Variants in RGS7 observed in about 807,000 individuals in gnomAD.
The protein encoded by RGS7 is regulator of G-protein signaling 7.
A neutral mutation model predicts 81.1 loss-of-function variants in RGS7; 27 were observed. The ratio of observed to expected loss-of-function variants is 0.33; its 90% CI spans 0.25 to 0.46. The LOEUF is 0.46. RGS7 is among the 20% of genes least tolerant of loss of function. RGS7 has a pLI of 1.00. For synonymous variants in RGS7, 208 were observed against 207.7 expected, an observed-to-expected ratio of 1.00 and a Z score of -0.01; for missense variants, 396 against 607.4, an observed-to-expected ratio of 0.65 and a Z score of 3.66.
intron 9 of RGS7, among the ~76,000 whole-genome samples, chr1:240,853,835 A>G (rs1270565313): frequency 7.9e-6 from 1 of 127,044 alleles, no homozygotes; most frequent in African/African-American, 3.0e-5. Flanking sequence ...CGGGAGGCGG[A>G]GCTTGCAGTG....
At chr1:240,831,172 G>GA (rs1693768634) in intron 9 of RGS7, among the ~76,000 whole-genome samples, 2 of 152,108 alleles carry the variant, frequency 1.3e-5, no homozygotes, top group African/African-American at 4.8e-5. Context: ...CTGGATCTGG[G>GA]ATGCTTGTCT....
chr1:240,801,304 A>T, intron 17 of RGS7, 151 bp downstream of exon 17: 1 of 668,868 alleles, frequency 1.5e-6, no homozygotes, highest in Non-Finnish European at 2.7e-6. Context: ...CAGAAAGATA[A>T]GCAGAAAACA....
intron 2 of RGS7, among the ~76,000 whole-genome samples, chr1:241,126,303 C>T (rs1485605223): frequency 1.3e-5 from 2 of 152,056 alleles, no homozygotes; most frequent in African/African-American, 2.4e-5. Flanking sequence ...GCATGCGCAA[C>T]CACACCCGGC....
intron 9 of RGS7, among the ~76,000 whole-genome samples, chr1:240,867,013 C>CA (rs1303749395): frequency 2.0e-5 from 3 of 151,924 alleles, no homozygotes; most frequent in Non-Finnish European, 4.4e-5. Flanking sequence ...TTGCTTAAAA[C>CA]AAACAAAAAA....
intron 6 of RGS7, among the ~76,000 whole-genome samples, chr1:240,891,790 A>G (rs1572629195): frequency 1.3e-5 from 2 of 152,352 alleles, no homozygotes; most frequent in Middle Eastern, 6.8e-3. Context: ...TGCAATTCAA[A>G]TTTAGTGTGT....
intron 2 of RGS7, among the ~76,000 whole-genome samples, chr1:241,272,930 T>C (rs1378845953): frequency 6.6e-6 from 1 of 152,180 alleles, no homozygotes; most frequent in African/African-American, 2.4e-5. Flanking sequence ...CTCTAAGATT[T>C]CCTTTACTTT....
intron 2 of RGS7, among the ~76,000 whole-genome samples, chr1:241,276,290 C>CA (rs919162360): frequency 5.9e-5 from 9 of 152,304 alleles, no homozygotes; most frequent in Non-Finnish European, 1.0e-4. Flanking sequence ...ACGATCAAAA[C>CA]AGTCTATCAA....
intron 3 of RGS7, among the ~76,000 whole-genome samples, chr1:241,018,522 T>A (rs1002894707): frequency 1.3e-5 from 2 of 152,124 alleles, no homozygotes; most frequent in Non-Finnish European, 2.9e-5. Context: ...TGTTTCTATT[T>A]TTTTGTCTTT....
intron 2 of RGS7, among the ~76,000 whole-genome samples, chr1:241,335,387 T>C (rs548989826): frequency 5.9e-5 from 9 of 151,770 alleles, no homozygotes; most frequent in Non-Finnish European, 8.8e-5. Context: ...TGTTTAATGA[T>C]TCTGGAATTG....
intron 4 of RGS7, among the ~76,000 whole-genome samples, chr1:240,942,177 G>T (rs994825675): frequency 2.0e-5 from 3 of 152,098 alleles, no homozygotes; most frequent in African/African-American, 7.2e-5. Context: ...ATAGCGAAGA[G>T]AATTCTCCAC....
chr1:240,944,278 G>GTA (rs1678159395), intron 4 of RGS7, among the ~76,000 whole-genome samples: 2 of 20,456 alleles, frequency 9.8e-5, no homozygotes, highest in African/African-American at 3.1e-4. Flanking sequence ...GTGTGTGTGT[G>GTA]TGTGTATATA....
intron 18 of RGS7, among the ~76,000 whole-genome samples, chr1:240,788,103 A>C (rs1685369707): frequency 6.6e-6 from 1 of 152,222 alleles, no homozygotes; most frequent in East Asian, 1.9e-4. Flanking sequence ...TCACTTTCCC[A>C]TTTTAAGTGT....
In RGS7 at chr1:240,998,914, A is replaced by G. The variant is rs907634180; in HGVS notation, c.176-15785T>C. On this transcript the variant is annotated intron_variant, in intron 3 of 18. Transcript: ENST00000440928. ...CCCCTTATCTTTTTCCTATCCTTTC[A>G]TAACTCCAATGGCACCAATGTTAGA... The G allele has an allele frequency of 3.8e-5, 14 of 368,054 alleles. No individual in the cohort carries two copies. The East Asian group carries it at 8.0e-4, about 21-fold the overall frequency. 22.8% of individuals were successfully genotyped at this position (368,054 alleles called of 1,614,324 possible).
At chr1:241,202,514 T>C (rs994559384) in intron 2 of RGS7, among the ~76,000 whole-genome samples, 3 of 152,168 alleles carry the variant, frequency 2.0e-5, no homozygotes, top group Admixed American at 6.5e-5. Flanking sequence ...TCCATTTTTA[T>C]GCTTAGATTC....
intron 2 of RGS7, among the ~76,000 whole-genome samples, chr1:241,238,324 C>T (rs1431025341): frequency 1.3e-5 from 2 of 152,082 alleles, no homozygotes; most frequent in African/African-American, 2.4e-5. Context: ...ATACTATGAC[C>T]TTGTATAGAT....
chr1:241,052,838 A>G (rs1028002822), intron 3 of RGS7, among the ~76,000 whole-genome samples: 9 of 152,116 alleles, frequency 5.9e-5, no homozygotes, highest in African/African-American at 1.4e-4. Context: ...AAATGAATAG[A>G]AAGCAGCTGT....
intron 2 of RGS7, among the ~76,000 whole-genome samples, chr1:241,205,288 G>T (rs1267990036): frequency 6.7e-6 from 1 of 150,076 alleles, no homozygotes; most frequent in African/African-American, 2.5e-5. Context: ...CACCATGTTG[G>T]CCAGGATGGT....
intron 3 of RGS7, among the ~76,000 whole-genome samples, chr1:241,025,517 T>C (rs1173585804): frequency 1.3e-5 from 2 of 152,170 alleles, no homozygotes; most frequent in Admixed American, 1.3e-4. Context: ...CACCTCCAGA[T>C]TCAAGCTCTA....
At chr1:240,985,468 C>A (rs1352398697) in intron 3 of RGS7, among the ~76,000 whole-genome samples, 2 of 151,858 alleles carry the variant, frequency 1.3e-5, no homozygotes, top group Non-Finnish European at 2.9e-5. Flanking sequence ...GAAAGAAATA[C>A]AAAGAAGCCT....
Sources: allele counts gnomAD v4.1 joint callset (sites outside exome capture counted in the v4.1 genomes callset), GRCh38; gene constraint gnomAD v4.1.1; transcripts MANE v1.5; gene names NCBI Gene and HGNC (gene_info 2026-07-23, HGNC 2026-07-21).